The following NBEA variants were observed in gnomAD, a reference collection of about 807,000 sequenced individuals.
NBEA encodes lysosomal-trafficking regulator 2.
In NBEA, 44 loss-of-function variants were observed where a neutral mutation model predicts 343.4. That is an observed-to-expected ratio of 0.13 (90% CI 0.10 to 0.16). The LOEUF is 0.16. Among genes scored for constraint, NBEA ranks in the 10% least tolerant of loss-of-function variants. NBEA has a pLI of 1.00. For missense variants in NBEA, 2,555 were observed against 3,631.3 expected (o/e 0.70, Z 7.62); for synonymous variants, 1,175 against 1,238.7 (o/e 0.95, Z 1.08).
At chr13:35,323,638 A>G (rs980505636) in intron 36 of NBEA, among the ~76,000 whole-genome samples, 2 of 151,706 alleles carry the variant, frequency 1.3e-5, no homozygotes, top group African/African-American at 4.8e-5. Flanking sequence ...TGGGTGCAGC[A>G]CACCAACATG....
intron 34 of NBEA, among the ~76,000 whole-genome samples, chr13:35,254,160 T>A (rs1220686765): frequency 6.6e-6 from 1 of 151,992 alleles, no homozygotes; most frequent in Admixed American, 6.6e-5. Context: ...TATAATAATA[T>A]ATATAAGAAC....
At chr13:35,370,250 T>C (rs2041353286) in intron 38 of NBEA, among the ~76,000 whole-genome samples, 1 of 151,970 alleles carries the variant, frequency 6.6e-6, no homozygotes, top group African/African-American at 2.4e-5. Context: ...AGAATTGTTA[T>C]TTTCTCTTGC....
At chr13:35,636,866 G>A (rs1234588001) in intron 49 of NBEA, among the ~76,000 whole-genome samples, 3 of 152,182 alleles carry the variant, frequency 2.0e-5, no homozygotes, top group Non-Finnish European at 2.9e-5. Context: ...CCAGGTAGGC[G>A]AATCCCTAAG....
intron 40 of NBEA, among the ~76,000 whole-genome samples, chr13:35,458,753 G>C (rs971319349): frequency 6.6e-6 from 1 of 151,930 alleles, no homozygotes; most frequent in Admixed American, 6.6e-5. Flanking sequence ...TCTGGTAAAC[G>C]TGTCATTTTA....
intron 17 of NBEA, among the ~76,000 whole-genome samples, chr13:35,133,848 G>A (rs1399709126): frequency 6.6e-6 from 1 of 151,986 alleles, no homozygotes; most frequent in Non-Finnish European, 1.5e-5. Flanking sequence ...CCGAAGTAGA[G>A]TGTGAAGAAT....
At chr13:35,422,311 A>G (rs1306436859) in intron 38 of NBEA, among the ~76,000 whole-genome samples, 1 of 52,170 alleles carries the variant, frequency 1.9e-5, no homozygotes, top group Non-Finnish European at 3.5e-5. Flanking sequence ...CCCCCACCCC[A>G]CAACAGTCCC....
chr13:35,548,604 C>T (rs1029748063), intron 41 of NBEA, among the ~76,000 whole-genome samples: 1 of 151,932 alleles, frequency 6.6e-6, no homozygotes, highest in Admixed American at 6.6e-5. Context: ...TTCAAATGGC[C>T]ATAGTATTTT....
intron 35 of NBEA, among the ~76,000 whole-genome samples, chr13:35,295,790 C>G (rs2036090358): frequency 6.6e-6 from 1 of 152,108 alleles, no homozygotes; most frequent in Non-Finnish European, 1.5e-5. Context: ...CAATTACTTA[C>G]AGCATTCCTG....
At chr13:34,976,669 T>TC (rs1374678865) in intron 1 of NBEA, among the ~76,000 whole-genome samples, 2 of 150,478 alleles carry the variant, frequency 1.3e-5, no homozygotes, top group African/African-American at 4.9e-5. Context: ...TTTTTTTTTT[T>TC]CATGGAGCAG....
chr13:35,452,591 A>G (rs1161753646), intron 40 of NBEA, among the ~76,000 whole-genome samples: 2 of 152,148 alleles, frequency 1.3e-5, no homozygotes, highest in Admixed American at 1.3e-4. Context: ...ACATGCTAAG[A>G]GCCAAGGTCC....
chr13:35,181,637 T>C (rs1000311304), intron 28 of NBEA, among the ~76,000 whole-genome samples: 5 of 151,980 alleles, frequency 3.3e-5, no homozygotes, highest in Non-Finnish European at 7.4e-5. Context: ...ACTGATCTTT[T>C]TGCTATGCAG....
At chr13:35,039,442 C>T (rs1476697246) in intron 1 of NBEA, among the ~76,000 whole-genome samples, 3 of 152,124 alleles carry the variant, frequency 2.0e-5, no homozygotes, top group African/African-American at 7.2e-5. Context: ...GTTCTGCCAT[C>T]TTGCCTCACC....
chr13:35,402,659 C>G (rs1040965038), intron 38 of NBEA, among the ~76,000 whole-genome samples: 4 of 152,104 alleles, frequency 2.6e-5, no homozygotes, highest in Non-Finnish European at 4.4e-5. Context: ...GTAAAACTAA[C>G]AAGTACACTT....
At chr13:35,037,248 A>G (rs1448304615) in intron 1 of NBEA, among the ~76,000 whole-genome samples, 1 of 152,186 alleles carries the variant, frequency 6.6e-6, no homozygotes, top group African/African-American at 2.4e-5. Flanking sequence ...ATTTTTAAAA[A>G]TTATTTAAAT....
At chr13:35,045,077 A>T (rs766183443) in intron 3 of NBEA, 30 bp downstream of exon 3, 1 of 1,551,530 alleles carries the variant, frequency 6.4e-7, no homozygotes, top group Non-Finnish European at 8.8e-7. Flanking sequence ...AAAGGTATTC[A>T]GTATCAGTCC....
intron 18 of NBEA, among the ~76,000 whole-genome samples, chr13:35,144,895 A>G (rs979645042): frequency 6.6e-6 from 1 of 152,200 alleles, no homozygotes; most frequent in Non-Finnish European, 1.5e-5. Flanking sequence ...AAGTAAGGAC[A>G]AAGATTCATA....
At chr13:35,538,001 A>G (rs1018750189) in intron 41 of NBEA, among the ~76,000 whole-genome samples, 4 of 152,184 alleles carry the variant, frequency 2.6e-5, no homozygotes, top group African/African-American at 9.7e-5. Flanking sequence ...TCTTGAATTC[A>G]GATCATTAAG....
intron 41 of NBEA, among the ~76,000 whole-genome samples, chr13:35,527,627 C>A (rs1014318749): frequency 6.6e-6 from 1 of 152,228 alleles, no homozygotes; most frequent in Non-Finnish European, 1.5e-5. Context: ...CAGCAGTGCC[C>A]AGGCTCAGCC....
intron 38 of NBEA, among the ~76,000 whole-genome samples, chr13:35,424,149 C>G (rs148362149): frequency 6.6e-6 from 1 of 152,176 alleles, no homozygotes; most frequent in African/African-American, 2.4e-5. Flanking sequence ...ATTTCCTTCT[C>G]CTGCCTGATT....
Sources: gnomAD v4.1 joint callset for allele counts (sites outside exome capture counted in the v4.1 genomes callset) on GRCh38, gnomAD v4.1.1 for gene constraint, MANE v1.5 for transcripts, NCBI Gene and HGNC (gene_info 2026-07-23, HGNC 2026-07-21) for gene names.